Variants in CDH8 observed in about 807,000 individuals in gnomAD.
CDH8 encodes the protein cadherin 8.
CDH8 carries 17 observed loss-of-function variants against 68.1 expected under a neutral mutation model. The ratio of observed to expected loss-of-function variants is 0.25; its 90% CI spans 0.17 to 0.37. The LOEUF (loss-of-function observed/expected upper bound fraction) is 0.37, where lower values mean the gene tolerates loss of function less well. Among genes scored for constraint, CDH8 ranks in the 10% least tolerant of loss-of-function variants. The pLI is 1.00. For missense variants in CDH8, 763 were observed against 999.3 expected (o/e 0.76, Z 3.19); for synonymous variants, 372 against 365.1 (o/e 1.02, Z -0.21).
intron 2 of CDH8, among the ~76,000 whole-genome samples, chr16:62,019,440 T>C (rs1167384039): frequency 6.6e-6 from 1 of 152,130 alleles, no homozygotes; most frequent in East Asian, 1.9e-4. Context: ...GATAAGATAA[T>C]GCTGGTAAAG....
chr16:61,854,545 C>T (rs1045756081), intron 4 of CDH8, among the ~76,000 whole-genome samples: 1 of 152,056 alleles, frequency 6.6e-6, no homozygotes, highest in African/African-American at 2.4e-5. Context: ...TTATTTTTCA[C>T]AGTCATAAGC....
At chr16:61,757,306 T>C (rs1960346382) in intron 8 of CDH8, among the ~76,000 whole-genome samples, 1 of 152,118 alleles carries the variant, frequency 6.6e-6, no homozygotes, top group African/African-American at 2.4e-5. Context: ...AAACAAATGC[T>C]CTCTGCTTTC....
At chr16:61,971,457 A>G (rs568625618) in intron 2 of CDH8, among the ~76,000 whole-genome samples, 1 of 152,292 alleles carries the variant, frequency 6.6e-6, no homozygotes, top group African/African-American at 2.4e-5. Flanking sequence ...AAAGATACCA[A>G]TGTACATCAG....
At position 61,654,087 on chromosome 16, in the gene CDH8, A is replaced by C; in HGVS notation, c.1921T>G (p.Phe641Val). The change falls in exon 12 of 12, where the codon TTT becomes GTT. Residue 641 changes from phenylalanine to valine, a missense_variant. By Grantham distance (50) the Phe-to-Val change is conservative. Around this residue, in one of 2 missense-constraint regions of CDH8, gnomAD observed 397 missense variants for 436.2 expected, o/e 0.91. Coordinates refer to ENST00000577390, the MANE Select transcript of CDH8 (RefSeq NM_001796.5). The stretch of plus-strand genomic sequence containing the variant: ...TTTTTATGCCGCCGTAGAGTTACAA[A>C]CAGCACCACGATGACTAGAGGAAAA... ...IILLLVIVVLFVTLRRHKNEP... is the reference protein window; with the variant it reads ...IILLLVIVVLVVTLRRHKNEP... 1 of 1,612,732 alleles carries C rather than the reference A, an allele frequency of 6.2e-7. No individual in the cohort carries two copies. The highest frequency in any genetic ancestry group is 8.5e-7 in the Non-Finnish European group (1 of 1,179,440).
rs10624937 is a variant in CDH8 at position 61,959,523 on chromosome 16, C to CCTCTCTCTCTCT, written c.253-58062_253-58051dup. 7.2e-3 allele frequency among the ~76,000 whole-genome samples: 965 copies of CCTCTCTCTCTCT among 133,488 alleles called. 6 individuals are homozygous for CCTCTCTCTCTCT. The highest frequency in any genetic ancestry group is 0.012 in the South Asian group (45 of 3,734). The allele number at this position is 133,488 out of a possible 152,430, so 87.6% of individuals were successfully genotyped here. A position where few individuals can be genotyped will look rare whatever the true frequency, so the allele number is the denominator to read the frequency against. ...CAAAAGCCAGCCCTGCCTTATCCTC[C>CCTCTCTCTCTCT]CTCTCTCTCTCTCTCTCTCTGTGTG... On this transcript the variant is annotated intron_variant, in intron 2 of 11. Coordinates refer to ENST00000577390, the MANE Select transcript of CDH8 (RefSeq NM_001796.5).
chr16:61,932,462 A>T (rs1964560070), intron 2 of CDH8, among the ~76,000 whole-genome samples: 1 of 152,120 alleles, frequency 6.6e-6, no homozygotes, highest in Non-Finnish European at 1.5e-5. Flanking sequence ...TGTAAAAGTT[A>T]ATCTGGAGTA....
chr16:61,807,199 A>T (rs1961807047), intron 7 of CDH8, among the ~76,000 whole-genome samples: 1 of 151,332 alleles, frequency 6.6e-6, no homozygotes, highest in Admixed American at 6.6e-5. Flanking sequence ...GGAAATCATC[A>T]TTCTCAGTAA....
chr16:61,760,958 T>C (rs4632121), intron 8 of CDH8, among the ~76,000 whole-genome samples: 23,801 of 152,000 alleles, frequency 0.16, 2,993 homozygotes, highest in African/African-American at 0.35. Context: ...GAAGTAATTG[T>C]GTTTTCCAAA....
chr16:62,012,745 TC>T (rs559928681), intron 2 of CDH8, among the ~76,000 whole-genome samples: 128 of 152,342 alleles, frequency 8.4e-4, no homozygotes, highest in Non-Finnish European at 1.5e-3. Flanking sequence ...TTACAGGTTC[TC>T]CTGTATTGCT....
intron 2 of CDH8, among the ~76,000 whole-genome samples, chr16:61,920,988 G>A (rs1000590383): frequency 1.3e-5 from 2 of 148,970 alleles, no homozygotes; most frequent in Non-Finnish European, 3.0e-5. Context: ...ATCATTCTCA[G>A]TAAACTATCA....
At chr16:61,772,295 T>G (rs551960616) in intron 8 of CDH8, among the ~76,000 whole-genome samples, 1 of 152,142 alleles carries the variant, frequency 6.6e-6, no homozygotes, top group South Asian at 2.1e-4. Flanking sequence ...GGCCATCTTT[T>G]CTGTAATCTG....
At position 61,648,105 on chromosome 16, in the gene CDH8, TACA is replaced by T. The variant is rs1963243653; in HGVS notation, c.*5500_*5502del. The T allele has an allele frequency of 2.5e-6, 1 of 403,096 alleles. No homozygotes were observed. The highest frequency in any genetic ancestry group is 4.4e-6 in the Non-Finnish European group (1 of 224,820). The allele number at this position is 403,096 out of a possible 1,614,324, so 25.0% of individuals were successfully genotyped here. Reference sequence around the variant, plus strand: ...GGAGGAGAATACATACAAAAACACTTACAACATTACAACTCAGGAGATGACCCC... The same window carrying T: ...GGAGGAGAATACATACAAAAACACTTACATTACAACTCAGGAGATGACCCC... On this transcript the variant is annotated 3_prime_UTR_variant, in exon 12 of 12. Transcript: ENST00000577390.
intron 10 of CDH8, among the ~76,000 whole-genome samples, chr16:61,662,087 G>GTTTTTTTTTTTTTTTTTTTTTTTTTTTT: frequency 2.2e-5 from 2 of 92,824 alleles, no homozygotes; most frequent in Non-Finnish European, 4.4e-5. Context: ...TTTTACTTTA[G>GTTTTTTTTTTTTTTTTTTTTTTTTTTTT]TTTTTTTTTT....
At position 61,653,320 on chromosome 16, in the gene CDH8, G is replaced by A; in HGVS notation, c.*288C>T. 1 of 1,207,288 alleles carries A rather than the reference G, an allele frequency of 8.3e-7. No individual in the cohort carries two copies. The highest frequency in any genetic ancestry group is 3.7e-5 in the East Asian group (1 of 27,284). 74.8% of individuals were successfully genotyped at this position (1,207,288 alleles called of 1,614,324 possible). A position where few individuals can be genotyped will look rare whatever the true frequency, so the allele number is the denominator to read the frequency against. On this transcript the variant is annotated 3_prime_UTR_variant, in exon 12 of 12. Coordinates refer to ENST00000577390, the MANE Select transcript of CDH8 (RefSeq NM_001796.5). Reference sequence around the variant, plus strand: ...ATTTAAACCATTTATCTAAGGATTAGCCAGGATCCCAATCTTTGTCTGTGG... The same window carrying A: ...ATTTAAACCATTTATCTAAGGATTAACCAGGATCCCAATCTTTGTCTGTGG...
intron 2 of CDH8, among the ~76,000 whole-genome samples, chr16:61,946,135 A>G (rs1050627361): frequency 6.6e-6 from 1 of 152,110 alleles, no homozygotes; most frequent in African/African-American, 2.4e-5. Flanking sequence ...GAAAACATAC[A>G]CACATGTGCA....
At position 61,707,063 on chromosome 16, in the gene CDH8, C is replaced by T. The variant is rs182108025; in HGVS notation, c.1654+6778G>A. ...CCTTTCCCTGTGCTTTACTCATGGA[C>T]AATGTTTGCAGACATGTTCAATCAT... On this transcript the variant is annotated intron_variant, in intron 10 of 11. Transcript: ENST00000577390. Among the ~76,000 whole-genome samples the T allele has an allele frequency of 1.3e-3, 191 of 152,250 alleles. 1 individual carries two copies. Among genetic ancestry groups the T allele is most frequent in the Middle Eastern group, 3.4e-3 (1 of 294 alleles).
intron 7 of CDH8, among the ~76,000 whole-genome samples, chr16:61,803,662 G>C (rs1961717480): frequency 6.6e-6 from 1 of 151,402 alleles, no homozygotes; most frequent in African/African-American, 2.4e-5. Flanking sequence ...GGCAGGGGTT[G>C]CAATCCTAGT....
Position 61,798,404 on chromosome 16 carries a change from A to G in CDH8, c.1278-8922T>C, listed in dbSNP as rs149460965. Among the ~76,000 whole-genome samples, 351 of 152,306 alleles carry G rather than the reference A, an allele frequency of 2.3e-3. 1 individual carries two copies. Among genetic ancestry groups the G allele is most frequent in the African/African-American group, 8.1e-3 (338 of 41,576 alleles). On this transcript the variant is annotated intron_variant, in intron 7 of 11. Coordinates refer to ENST00000577390, the MANE Select transcript of CDH8 (RefSeq NM_001796.5). Reference sequence around the variant, plus strand: ...ACAGCTGAATTGCATAGAACTTTATATGGTAGCAGAAATATGCTCTGTGTT... The same window carrying G: ...ACAGCTGAATTGCATAGAACTTTATGTGGTAGCAGAAATATGCTCTGTGTT...
intron 10 of CDH8, among the ~76,000 whole-genome samples, chr16:61,708,127 T>C (rs1001027257): frequency 2.6e-5 from 4 of 152,138 alleles, no homozygotes; most frequent in Admixed American, 6.6e-5. Context: ...TTTATTTTGT[T>C]TTTTGATTAT....
Sources: gnomAD v4.1 joint callset for allele counts (sites outside exome capture counted in the v4.1 genomes callset) on GRCh38, gnomAD v4.1.1 for gene constraint, gnomAD v4.1.1 regional missense constraint, MANE v1.5 for transcripts, NCBI Gene and HGNC (gene_info 2026-07-23, HGNC 2026-07-21) for gene names.